TFDP1: variants seen among roughly 807,000 people sequenced by gnomAD.
TFDP1 encodes DRTF1-polypeptide 1.
Under a neutral mutation model 48.0 loss-of-function variants are expected in TFDP1, and 6 were observed. The ratio of observed to expected loss-of-function variants is 0.13; its 90% CI spans 0.07 to 0.25. TFDP1 has a LOEUF of 0.25. Ranked by LOEUF, TFDP1 falls within the 10% of genes least tolerant of loss-of-function variation. The pLI is 1.00. For synonymous variants in TFDP1, 201 were observed against 211.6 expected, an observed-to-expected ratio of 0.95 and a Z score of 0.44; for missense variants, 335 against 543.0, an observed-to-expected ratio of 0.62 and a Z score of 3.81.
At chr13:113,615,273 A>C (rs1385854994) in intron 3 of TFDP1, among the ~76,000 whole-genome samples, 1 of 152,176 alleles carries the variant, frequency 6.6e-6, no homozygotes, top group African/African-American at 2.4e-5. Flanking sequence ...CCACTTCCTC[A>C]CCAGCATTTG....
intron 2 of TFDP1, among the ~76,000 whole-genome samples, chr13:113,608,995 A>G (rs1288008319): frequency 6.6e-6 from 1 of 152,198 alleles, no homozygotes; most frequent in East Asian, 1.9e-4. Context: ...CCTGTAACAC[A>G]CTAATGGGTG....
chr13:113,605,040 G>A (rs919682100), intron 2 of TFDP1, among the ~76,000 whole-genome samples: 2 of 152,342 alleles, frequency 1.3e-5, no homozygotes, highest in Non-Finnish European at 1.5e-5. Context: ...CCTCAGCAGG[G>A]CGTTGTGTTT....
At chr13:113,614,785 C>CT (rs2048816260) in intron 3 of TFDP1, among the ~76,000 whole-genome samples, 1 of 152,236 alleles carries the variant, frequency 6.6e-6, no homozygotes, top group Non-Finnish European at 1.5e-5. Flanking sequence ...GGACTCACTA[C>CT]AGGACCCACC....
chr13:113,593,882 C>T (rs1455860843), intron 2 of TFDP1, among the ~76,000 whole-genome samples: 2 of 146,904 alleles, frequency 1.4e-5, no homozygotes, highest in Non-Finnish European at 3.0e-5. Flanking sequence ...TGATCCTCAG[C>T]CCTGTCCAGG....
intron 2 of TFDP1, among the ~76,000 whole-genome samples, chr13:113,589,583 CT>C (rs543843302): frequency 1.2e-3 from 188 of 152,350 alleles, no homozygotes; most frequent in African/African-American, 4.2e-3. Flanking sequence ...GCCTCAGGGC[CT>C]AGGGAGGCTG....
intron 2 of TFDP1, among the ~76,000 whole-genome samples, chr13:113,592,917 G>T (rs2048180357): frequency 6.6e-6 from 1 of 150,902 alleles, no homozygotes; most frequent in African/African-American, 2.4e-5. Context: ...GGTGTGCTGT[G>T]TGCTGGTCCT....
At position 113,607,686 on chromosome 13, in the gene TFDP1, G is replaced by T. The variant is rs2048603205; in HGVS notation, c.13-3310G>T. On this transcript the variant is annotated intron_variant, in intron 2 of 11. Transcript: ENST00000375370. This position sits in a 1 kb window ranked among gnomAD's most constrained non-coding sequence, Gnocchi z 5.2. Reference sequence around the variant, plus strand: ...AAGGGCCGCCCGGGTCCACAACCTGGCCCGTTAACTCCCTGGGCAGCTGCT... The same window carrying T: ...AAGGGCCGCCCGGGTCCACAACCTGTCCCGTTAACTCCCTGGGCAGCTGCT... 6.6e-6 allele frequency among the ~76,000 whole-genome samples: 1 copy of T among 152,180 alleles called. No individual in the cohort carries two copies. The highest frequency in any genetic ancestry group is 2.1e-4 in the South Asian group (1 of 4,826).
chr13:113,599,102 G>A (rs1198404031), intron 2 of TFDP1, among the ~76,000 whole-genome samples: 3 of 151,980 alleles, frequency 2.0e-5, no homozygotes, highest in African/African-American at 4.8e-5. Flanking sequence ...TGTACAGTAC[G>A]GAATTCTAAA....
In TFDP1 at chr13:113,640,393, G is replaced by C. The variant is rs994977427; in HGVS notation, c.*126G>C. 3 of 1,440,284 alleles carry C rather than the reference G, an allele frequency of 2.1e-6. No individual in the cohort carries two copies. The highest frequency in any genetic ancestry group is 2.8e-6 in the Non-Finnish European group (3 of 1,084,038). 89.2% of individuals were successfully genotyped at this position (1,440,284 alleles called of 1,614,324 possible). On this transcript the variant is annotated 3_prime_UTR_variant, in exon 12 of 12. Transcript: ENST00000375370. ...AGATATTGGTAAGCTATTGAATTTA[G>C]ATATGCACCTCTGATAAGCAAGGAT... is the stretch of plus-strand genomic sequence containing the variant.
chr13:113,599,344 G>A (rs1390165181), intron 2 of TFDP1, among the ~76,000 whole-genome samples: 1 of 152,178 alleles, frequency 6.6e-6, no homozygotes, highest in Admixed American at 6.5e-5. Context: ...ATTCTGACAT[G>A]TGTCTCTCAG....
chr13:113,595,883 C>G (rs902692041), intron 2 of TFDP1, among the ~76,000 whole-genome samples: 2 of 152,170 alleles, frequency 1.3e-5, no homozygotes, highest in Non-Finnish European at 2.9e-5. Context: ...GATATCGAGA[C>G]CATCCTGGCT....
intron 5 of TFDP1, among the ~76,000 whole-genome samples, chr13:113,632,390 C>T (rs4150781): frequency 3.9e-5 from 6 of 152,346 alleles, no homozygotes; most frequent in Non-Finnish European, 5.9e-5. Context: ...TGTTGTCAAG[C>T]GGCTGTCACA....
At chr13:113,590,443 C>T (rs1221444906) in intron 2 of TFDP1, among the ~76,000 whole-genome samples, 1 of 152,160 alleles carries the variant, frequency 6.6e-6, no homozygotes, top group South Asian at 2.1e-4. Flanking sequence ...AAGAGGTGAA[C>T]CTGATGCAGC....
chr13:113,604,063 AG>A (rs1183364100), intron 2 of TFDP1, among the ~76,000 whole-genome samples: 2 of 147,832 alleles, frequency 1.4e-5, no homozygotes, highest in African/African-American at 5.0e-5. Flanking sequence ...TTGGAGGCTG[AG>A]GTGAAAGGAT....
chr13:113,591,293 A>G (rs565699870), intron 2 of TFDP1, among the ~76,000 whole-genome samples: 223 of 151,638 alleles, frequency 1.5e-3, no homozygotes, highest in African/African-American at 5.3e-3. Context: ...GTGAGCCGAG[A>G]TCACGCCATT....
At chr13:113,603,582 A>G (rs186953735) in intron 2 of TFDP1, among the ~76,000 whole-genome samples, 11 of 152,342 alleles carry the variant, frequency 7.2e-5, no homozygotes, top group Admixed American at 6.5e-4. Flanking sequence ...TTCTAGCAGC[A>G]TGGCGTGTTT....
chr13:113,611,044 A>T lies in TFDP1; in HGVS notation c.61A>T (p.Asn21Tyr). The change falls in exon 3 of 12, where the codon AAC becomes TAC. Residue 21 changes from asparagine (N) to tyrosine (Y), a missense_variant. Transcript: ENST00000375370. ...NGELKVFIDQ[N>Y]LSPGKGVVSL... is the part of the protein sequence containing the mutation. ...AGAACTCAAGGTCTTCATAGACCAGAACCTTAGTCCCGGGAAAGGTAAGGG... is the reference window on the plus strand; with the variant it reads ...AGAACTCAAGGTCTTCATAGACCAGTACCTTAGTCCCGGGAAAGGTAAGGG... The T allele has an allele frequency of 6.2e-7, 1 of 1,614,164 alleles. No individual in the cohort carries two copies. The highest frequency in any genetic ancestry group is 8.5e-7 in the Non-Finnish European group (1 of 1,179,988).
At chr13:113,613,977 ATG>A (rs1259961462) in intron 3 of TFDP1, among the ~76,000 whole-genome samples, 1 of 148,964 alleles carries the variant, frequency 6.7e-6, no homozygotes, top group Non-Finnish European at 1.5e-5. Context: ...TATGGAGTGC[ATG>A]TGTTGTGAGT....
In TFDP1 at chr13:113,598,795, G is replaced by C. The variant is rs2140319706; in HGVS notation, c.13-12201G>C. On this transcript the variant is annotated intron_variant, in intron 2 of 11. Transcript: ENST00000375370. The surrounding 1 kb of genome is among the most constrained non-coding windows in gnomAD (Gnocchi z 4.2). ...GGCCGCCGTCCCTCTGTCCGCTCGG[G>C]GTAGCCAGCTTCCTCTGACTCTTTC... 6.6e-6 allele frequency among the ~76,000 whole-genome samples: 1 copy of C among 152,272 alleles called. No individual in the cohort carries two copies. Among genetic ancestry groups the C allele is most frequent in the South Asian group, 2.1e-4 (1 of 4,828 alleles).
Sources: gnomAD v4.1 joint callset for allele counts (sites outside exome capture counted in the v4.1 genomes callset) on GRCh38, gnomAD v4.1.1 for gene constraint, Gnocchi (gnomAD v3.1) non-coding constraint, MANE v1.5 for transcripts, NCBI Gene and HGNC (gene_info 2026-07-23, HGNC 2026-07-21) for gene names.